The following TTC28 variants were observed in gnomAD, a reference collection of about 807,000 sequenced individuals.
The protein encoded by TTC28 is tetratricopeptide repeat protein 28.
Under a neutral mutation model 198.0 loss-of-function variants are expected in TTC28, and 61 were observed. The observed-to-expected ratio is 0.31, with a 90% CI of 0.25 to 0.38. TTC28 has a LOEUF of 0.38. TTC28 is among the 10% of genes least tolerant of loss of function. The pLI is 1.00. For missense variants in TTC28, 2,678 were observed against 3,164.0 expected (o/e 0.85, Z 3.69); for synonymous variants, 1,171 against 1,297.8 (o/e 0.90, Z 2.10).
chr22:28,042,101 G>T (rs756367767), intron 12 of TTC28, among the ~76,000 whole-genome samples: 19 of 152,178 alleles, frequency 1.2e-4, no homozygotes, highest in Non-Finnish European at 2.6e-4. Flanking sequence ...AGGGGATGTG[G>T]AGAAATAGGA....
chr22:28,348,206 G>A (rs1268544215), intron 2 of TTC28, among the ~76,000 whole-genome samples: 1 of 152,172 alleles, frequency 6.6e-6, no homozygotes, highest in African/African-American at 2.4e-5. Flanking sequence ...TAGGAACAAT[G>A]GCAGAACTCA....
rs140149903 is a variant in TTC28 at position 28,410,153 on chromosome 22, C to G, written c.382-103510G>C. Among the ~76,000 whole-genome samples, 576 of 152,254 alleles carry G rather than the reference C, an allele frequency of 3.8e-3. 28 individuals are homozygous for G. The East Asian group carries it at 0.083, about 22-fold the overall frequency. On this transcript the variant is annotated intron_variant, in intron 2 of 22. Coordinates refer to ENST00000397906, the MANE Select transcript of TTC28 (RefSeq NM_001145418.2). ...GCCAGACTGGTCTAAAACTCCTGAC[C>G]TCAAGTGATCTGCCCACCTCGGCTT... is the stretch of plus-strand genomic sequence containing the variant.
intron 2 of TTC28, among the ~76,000 whole-genome samples, chr22:28,535,067 A>C (rs1038995687): frequency 3.3e-5 from 5 of 152,280 alleles, no homozygotes; most frequent in African/African-American, 9.6e-5. Context: ...TATAATAATA[A>C]TAAAAAAAAG....
chr22:28,080,816 C>A (rs1941321950), intron 12 of TTC28, among the ~76,000 whole-genome samples: 2 of 151,988 alleles, frequency 1.3e-5, no homozygotes, highest in African/African-American at 4.8e-5. Context: ...TTTAGACTTT[C>A]AAGTTTTACG....
Position 28,005,954 on chromosome 22 carries a change from T to C in TTC28, c.4219-4401A>G, listed in dbSNP as rs1484818195. Reference sequence around the variant, plus strand: ...ATATCTTACAGTTATTTGCCTATCATGGGTAATAGTTCTCAATACTAAACA... The same window carrying C: ...ATATCTTACAGTTATTTGCCTATCACGGGTAATAGTTCTCAATACTAAACA... On this transcript the variant is annotated intron_variant, in intron 14 of 22. Coordinates refer to ENST00000397906, the MANE Select transcript of TTC28 (RefSeq NM_001145418.2). This position sits in a 1 kb window ranked among gnomAD's most constrained non-coding sequence, Gnocchi z 4.9. 6.6e-6 allele frequency among the ~76,000 whole-genome samples: 1 copy of C among 152,210 alleles called. No individual in the cohort carries two copies. The highest frequency in any genetic ancestry group is 1.5e-5 in the Non-Finnish European group (1 of 68,040).
At chr22:28,565,670 A>G (rs1271962843) in intron 2 of TTC28, among the ~76,000 whole-genome samples, 1 of 152,250 alleles carries the variant, frequency 6.6e-6, no homozygotes, top group Non-Finnish European at 1.5e-5. Flanking sequence ...ATTTACTATT[A>G]AAGATGGAAA....
At chr22:28,400,828 T>C (rs1405771473) in intron 2 of TTC28, among the ~76,000 whole-genome samples, 1 of 152,234 alleles carries the variant, frequency 6.6e-6, no homozygotes, top group Non-Finnish European at 1.5e-5. Context: ...AATGCATTTC[T>C]AGTATTATTA....
chr22:28,566,212 T>G (rs1028795175), intron 2 of TTC28, among the ~76,000 whole-genome samples: 1 of 152,148 alleles, frequency 6.6e-6, no homozygotes, highest in Non-Finnish European at 1.5e-5. Flanking sequence ...AGGACAAGAC[T>G]AGAGAAGCTT....
chr22:28,225,634 C>G (rs1221105257), intron 5 of TTC28, among the ~76,000 whole-genome samples: 2 of 152,226 alleles, frequency 1.3e-5, no homozygotes, highest in East Asian at 3.9e-4. Flanking sequence ...AGGTAATTGA[C>G]AAAAAATAAA....
intron 2 of TTC28, among the ~76,000 whole-genome samples, chr22:28,604,849 A>G (rs1044513946): frequency 1.2e-4 from 19 of 152,208 alleles, no homozygotes; most frequent in African/African-American, 4.3e-4. Flanking sequence ...TACATTTTAT[A>G]TATCACCCAC....
At chr22:28,241,306 C>T (rs1929637182) in intron 5 of TTC28, among the ~76,000 whole-genome samples, 1 of 152,058 alleles carries the variant, frequency 6.6e-6, no homozygotes, top group Non-Finnish European at 1.5e-5. Context: ...AATAAATGGC[C>T]TGTATTCTTA....
chr22:28,487,906 T>A (rs1048716521), intron 2 of TTC28, among the ~76,000 whole-genome samples: 1 of 152,144 alleles, frequency 6.6e-6, no homozygotes, highest in East Asian at 1.9e-4. Flanking sequence ...TGTAACCGAG[T>A]ATCTTATATT....
chr22:28,517,841 C>A (rs1023334019), intron 2 of TTC28, among the ~76,000 whole-genome samples: 6 of 152,154 alleles, frequency 3.9e-5, no homozygotes, highest in African/African-American at 1.4e-4. Context: ...ATCAATACTT[C>A]ATAATATATT....
intron 5 of TTC28, among the ~76,000 whole-genome samples, chr22:28,290,326 T>C (rs925373185): frequency 3.3e-5 from 5 of 152,152 alleles, no homozygotes; most frequent in Admixed American, 6.5e-5. Context: ...AAAATCTGTA[T>C]TGACTGAACT....
chr22:28,288,002 T>C (rs1037143651), intron 5 of TTC28, among the ~76,000 whole-genome samples: 4 of 152,154 alleles, frequency 2.6e-5, no homozygotes, highest in African/African-American at 9.6e-5. Context: ...GAAAAACAAC[T>C]TCACACTAAA....
At chr22:28,028,415 C>T (rs899936325) in intron 13 of TTC28, among the ~76,000 whole-genome samples, 1 of 152,236 alleles carries the variant, frequency 6.6e-6, no homozygotes, top group African/African-American at 2.4e-5. Context: ...AAAATGAGCA[C>T]TCCACCATTC....
intron 2 of TTC28, among the ~76,000 whole-genome samples, chr22:28,599,056 A>G (rs940652113): frequency 1.3e-5 from 2 of 152,244 alleles, no homozygotes; most frequent in Admixed American, 6.5e-5. Context: ...TGCGCTATAT[A>G]GTATAAAACT....
intron 2 of TTC28, among the ~76,000 whole-genome samples, chr22:28,368,368 A>G (rs910671554): frequency 4.6e-5 from 7 of 152,096 alleles, no homozygotes; most frequent in African/African-American, 1.7e-4. Context: ...AAAACCTTCA[A>G]AAAACTGAGT....
At chr22:28,416,648 TGAC>T (rs1286923735) in intron 2 of TTC28, among the ~76,000 whole-genome samples, 1 of 138,230 alleles carries the variant, frequency 7.2e-6, no homozygotes, top group Non-Finnish European at 1.7e-5. Flanking sequence ...TCCACCAACA[TGAC>T]TTGGCTCAGT....
Sources: gnomAD v4.1 joint callset for allele counts (sites outside exome capture counted in the v4.1 genomes callset) on GRCh38, gnomAD v4.1.1 for gene constraint, Gnocchi (gnomAD v3.1) non-coding constraint, MANE v1.5 for transcripts, NCBI Gene and HGNC (gene_info 2026-07-23, HGNC 2026-07-21) for gene names.